SPIRE2: variants seen among roughly 807,000 people sequenced by gnomAD.
SPIRE2 encodes the protein protein spire homolog 2.
Under a neutral mutation model 80.7 loss-of-function variants are expected in SPIRE2, and 76 were observed. That is an observed-to-expected ratio of 0.94 (90% CI 0.78 to 1.14). SPIRE2 has a LOEUF of 1.14. Ranked by LOEUF, SPIRE2 falls within the 50% of genes most tolerant of loss-of-function variation. SPIRE2 has a pLI of 0.00. For synonymous variants in SPIRE2, 535 were observed against 432.6 expected, an observed-to-expected ratio of 1.24 and a Z score of -2.94; for missense variants, 1,196 against 1,015.3, an observed-to-expected ratio of 1.18 and a Z score of -2.42.
rs760032480 is a variant in SPIRE2 at position 89,859,325 on chromosome 16, A to G, written c.1433A>G (p.His478Arg). The change falls in exon 9 of 15, where the codon CAT becomes CGT. Residue 478 changes from histidine (H) to arginine (R), a missense_variant. Coordinates refer to ENST00000378247, the MANE Select transcript of SPIRE2 (RefSeq NM_032451.2). ...EPPRPRAGSA[H>R]VWRPGSRDQG... ...CCACGGCCCCGAGCTGGCAGTGCGC[A>G]TGTGTGGAGGCCCGGCTCCCGAGAC... is the stretch of plus-strand genomic sequence containing the variant. The G allele has an allele frequency of 5.7e-6, 9 of 1,584,412 alleles. No homozygotes were observed. In the East Asian group the frequency reaches 1.1e-4, roughly 20 times the overall value.
At chr16:89,831,156 A>G (rs1160691363) in intron 1 of SPIRE2, among the ~76,000 whole-genome samples, 1 of 150,170 alleles carries the variant, frequency 6.7e-6, no homozygotes, top group Non-Finnish European at 1.5e-5. Flanking sequence ...TGATCTGCCC[A>G]CCTCGGCCTT....
intron 2 of SPIRE2, chr16:89,846,226 C>T (rs912828220): frequency 2.6e-5 from 4 of 152,362 alleles, no homozygotes; most frequent in African/African-American, 9.7e-5. Context: ...AGATGTCTCA[C>T]TATGTTGCCC....
intron 12 of SPIRE2, among the ~76,000 whole-genome samples, chr16:89,865,233 C>T (rs1027515872): frequency 6.6e-6 from 1 of 152,204 alleles, no homozygotes; most frequent in Middle Eastern, 3.4e-3. Flanking sequence ...GTCTCGATCC[C>T]CTGACCTCAG....
chr16:89,866,586 C>T (rs113294056), intron 12 of SPIRE2, among the ~76,000 whole-genome samples: 6,883 of 151,370 alleles, frequency 0.045, 551 homozygotes, highest in African/African-American at 0.16. Context: ...TGAGCCACCA[C>T]GCCCAGCCTT....
rs1207077005 is a variant in SPIRE2, at chr16:89,869,720, G to A, written c.1922+38G>A. 2.0e-6 allele frequency: 3 copies of A among 1,534,566 alleles called. No homozygotes were observed. The South Asian group carries it at 3.4e-5, about 17-fold the overall frequency. On this transcript the variant is annotated intron_variant, in intron 14 of 14. Transcript: ENST00000378247. ...CCTTGCTGCTGATGTCACTGTGGTGGTCGGGCGTGAAGAGGAACTTGGGAG... is the reference window on the plus strand; with the variant it reads ...CCTTGCTGCTGATGTCACTGTGGTGATCGGGCGTGAAGAGGAACTTGGGAG...
Position 89,856,218 on chromosome 16 carries a change from G to C in SPIRE2, c.1084G>C (p.Glu362Gln). ...QERRLRPVRG[E>Q]GWAARGFGSL... ...GCGGAGGCTGCGCCCGGTGCGGGGCGAGGGCTGGGCTGCCCGCGGTGAGTG... is the reference window on the plus strand; with the variant it reads ...GCGGAGGCTGCGCCCGGTGCGGGGCCAGGGCTGGGCTGCCCGCGGTGAGTG... The change falls in exon 7 of 15, where the codon GAG (glutamate) becomes CAG (glutamine). Residue 362 changes from glutamate to glutamine, a missense_variant. Glu to Gln is a conservative substitution (Grantham distance 29, BLOSUM62 2). Transcript: ENST00000378247. The C allele has an allele frequency of 1.9e-6, 3 of 1,585,524 alleles. No individual in the cohort carries two copies. The highest frequency in any genetic ancestry group is 2.6e-6 in the Non-Finnish European group (3 of 1,167,254).
chr16:89,835,054 G>T (rs990259086), intron 1 of SPIRE2, among the ~76,000 whole-genome samples: 1 of 146,510 alleles, frequency 6.8e-6, no homozygotes. Context: ...AGCATAGCCC[G>T]TGTGAATCTG....
intron 2 of SPIRE2, among the ~76,000 whole-genome samples, chr16:89,847,457 G>A (rs988735239): frequency 3.3e-5 from 5 of 152,202 alleles, no homozygotes; most frequent in African/African-American, 9.6e-5. Context: ...GCTGCCTACC[G>A]CCTGGAAGAC....
intron 1 of SPIRE2, among the ~76,000 whole-genome samples, chr16:89,834,831 G>T (rs536498130): frequency 2.8e-5 from 4 of 140,832 alleles, no homozygotes; most frequent in Admixed American, 1.4e-4. Context: ...GTTGGCCGTC[G>T]TAGAAGGCCC....
intron 3 of SPIRE2, 129 bp downstream of exon 3, chr16:89,850,789 C>A: frequency 4.7e-6 from 3 of 637,578 alleles, no homozygotes; most frequent in East Asian, 3.1e-5. Flanking sequence ...CTGCCGCTGG[C>A]ATTATGTATT....
chr16:89,858,204 A>G, intron 7 of SPIRE2, 134 bp from the exon 8 acceptor site: 1 of 980,236 alleles, frequency 1.0e-6, no homozygotes, highest in Non-Finnish European at 1.5e-6. Context: ...ATTTTTTTAA[A>G]TGGCTGGCTA....
At chr16:89,839,663 A>T (rs1300238339) in intron 1 of SPIRE2, among the ~76,000 whole-genome samples, 1 of 152,214 alleles carries the variant, frequency 6.6e-6, no homozygotes, top group Non-Finnish European at 1.5e-5. Context: ...GCGTTTAAGC[A>T]GCGGCCACGT....
At position 89,870,394 on chromosome 16, in the gene SPIRE2, C is replaced by G. The variant is rs117477742; in HGVS notation, c.*122C>G. 1.8e-5 allele frequency: 11 copies of G among 628,434 alleles called. No homozygotes were observed. The highest frequency in any genetic ancestry group is 3.0e-5 in the Non-Finnish European group (11 of 361,084). 38.9% of individuals were successfully genotyped at this position (628,434 alleles called of 1,614,324 possible). On this transcript the variant is annotated 3_prime_UTR_variant, in exon 15 of 15. Coordinates refer to ENST00000378247, the MANE Select transcript of SPIRE2 (RefSeq NM_032451.2). ...TACATTTATAATATATACACACAGT[C>G]TATATATTTATATACACTGTTTCCT...
intron 8 of SPIRE2, 42 bp from the exon 9 acceptor site, chr16:89,859,123 G>C: frequency 6.7e-7 from 1 of 1,485,072 alleles, no homozygotes; most frequent in Non-Finnish European, 9.1e-7. Context: ...GGAGGCACTG[G>C]CGGGCATTGT....
intron 3 of SPIRE2, 147 bp from the exon 4 acceptor site, chr16:89,854,139 A>G (rs1479320839): frequency 9.4e-6 from 7 of 744,082 alleles, no homozygotes; most frequent in Admixed American, 2.4e-5. Context: ...TTCGAGTCCT[A>G]TGGCCTGGGC....
At chr16:89,855,746 C>A in intron 6 of SPIRE2, 60 bp downstream of exon 6, 2 of 1,545,464 alleles carry the variant, frequency 1.3e-6, no homozygotes, top group Non-Finnish European at 8.9e-7. Context: ...GTCCTGTAGC[C>A]AGCCTGGGAG....
chr16:89,835,309 T>C (rs2041437505), intron 1 of SPIRE2, among the ~76,000 whole-genome samples: 1 of 152,194 alleles, frequency 6.6e-6, no homozygotes, highest in Admixed American at 6.5e-5. Context: ...GCCTTGTGCT[T>C]TTGGGCAAAG....
rs918382325 is a variant in SPIRE2 at position 89,870,544 on chromosome 16, GAA to G, written c.*274_*275del. The G allele has an allele frequency of 1.0e-4, 39 of 384,716 alleles. No homozygotes were observed. Among genetic ancestry groups the G allele is most frequent in the Non-Finnish European group, 1.4e-5 (3 of 209,186 alleles). The allele number at this position is 384,716 out of a possible 1,614,324, so 23.8% of individuals were successfully genotyped here. On this transcript the variant is annotated 3_prime_UTR_variant, in exon 15 of 15. Coordinates refer to ENST00000378247, the MANE Select transcript of SPIRE2 (RefSeq NM_032451.2). ...AGGGTGGGTTTTCTCACTGAAGAGA[GAA>G]AGCAGAAGGTTCTAGATCCTGGCAC...
intron 2 of SPIRE2, chr16:89,850,096 A>T: frequency 1.4e-6 from 1 of 691,078 alleles, no homozygotes. Context: ...TCGGCCTCCC[A>T]AAGTGCTGGG....
Sources: allele counts gnomAD v4.1 joint callset (sites outside exome capture counted in the v4.1 genomes callset), GRCh38; gene constraint gnomAD v4.1.1; transcripts MANE v1.5; gene names NCBI Gene and HGNC (gene_info 2026-07-23, HGNC 2026-07-21).